Variants in ZNF177 observed in about 807,000 individuals in gnomAD.
ZNF177 encodes zinc finger protein 177.
A neutral mutation model predicts 19.4 loss-of-function variants in ZNF177; 17 were observed. The ratio of observed to expected loss-of-function variants is 0.87; its 90% CI spans 0.60 to 1.31. ZNF177 has a LOEUF of 1.31. ZNF177 is among the 40% of genes most tolerant of loss of function. The pLI, the probability that ZNF177 is intolerant of heterozygous loss-of-function variation, is 0.00. For missense variants in ZNF177, 633 were observed against 561.8 expected (o/e 1.13, Z -1.28); for synonymous variants, 220 against 188.7 (o/e 1.17, Z -1.36).
At chr19:9,378,118 C>CTG in intron 1 of ZNF177, 141 bp from the exon 4 acceptor site, 3 of 659,616 alleles carry the variant, frequency 4.5e-6, no homozygotes, top group Non-Finnish European at 7.1e-6. Context: ...TGAGGATATA[C>CTG]TGTGTTCTTG....
intron 1 of ZNF177, among the ~76,000 whole-genome samples, chr19:9,364,125 A>G (rs757061757): frequency 3.9e-5 from 6 of 151,988 alleles, no homozygotes; most frequent in Non-Finnish European, 8.8e-5. Context: ...AGAATCCCAT[A>G]CTCATCAGCA....
chr19:9,370,380 C>T (rs1340188853), intron 2 of ZNF177, among the ~76,000 whole-genome samples: 1 of 151,430 alleles, frequency 6.6e-6, no homozygotes, highest in African/African-American at 2.4e-5. Context: ...GTACCTAGTA[C>T]AATAAGTGTT....
intron 1 of ZNF177, among the ~76,000 whole-genome samples, chr19:9,363,484 T>C (rs913058851): frequency 1.3e-5 from 2 of 152,216 alleles, no homozygotes; most frequent in Non-Finnish European, 1.5e-5. Context: ...TCCCTTTTTT[T>C]CCCCTCTGTT....
intron 1 of ZNF177, 31 bp from the exon 4 acceptor site, chr19:9,378,228 A>G: frequency 4.4e-6 from 7 of 1,584,400 alleles, no homozygotes; most frequent in Non-Finnish European, 5.1e-6. Context: ...TAGCAGGCCT[A>G]GACTCTAATG....
chr19:9,368,898 C>T (rs895758282), intron 2 of ZNF177, among the ~76,000 whole-genome samples: 1 of 152,076 alleles, frequency 6.6e-6, no homozygotes, highest in African/African-American at 2.4e-5. Context: ...TCGTTATTAA[C>T]TTACAACTTA....
chr19:9,374,507 C>T (rs530986525), upstream of ZNF177, among the ~76,000 whole-genome samples: 2 of 152,224 alleles, frequency 1.3e-5, no homozygotes, highest in South Asian at 4.1e-4. Context: ...TCTTCCAATC[C>T]ATGAACACTG....
intron 3 of ZNF177, 164 bp downstream of exon 5, chr19:9,379,252 T>A: frequency 8.0e-7 from 1 of 1,246,890 alleles, no homozygotes; most frequent in Non-Finnish European, 1.1e-6. Flanking sequence ...GAAAATGCAC[T>A]GATTTCATTT....
chr19:9,363,815 C>T (rs941466058), intron 1 of ZNF177, among the ~76,000 whole-genome samples: 2 of 152,110 alleles, frequency 1.3e-5, no homozygotes, highest in Non-Finnish European at 2.9e-5. Flanking sequence ...CCTTTATAAT[C>T]CTATTACGAC....
At chr19:9,367,280 A>G (rs1045191234) in intron 2 of ZNF177, among the ~76,000 whole-genome samples, 2 of 152,082 alleles carry the variant, frequency 1.3e-5, no homozygotes, top group Admixed American at 6.6e-5. Flanking sequence ...GCACCACTGC[A>G]CTCCAGCCTG....
rs545760455 is a variant in ZNF177 at position 9,369,125 on chromosome 19, A to G, written c.-304-2485A>G. Among the ~76,000 whole-genome samples, 5 of 152,178 alleles carry G rather than the reference A, an allele frequency of 3.3e-5. No homozygotes were observed. In the South Asian group the frequency reaches 6.2e-4, roughly 19 times the overall value. ...CACTTCATGTGTGCTTCAAGAATCTATGTATACTCCATACATTCAGTAGTG... is the reference window on the plus strand; with the variant it reads ...CACTTCATGTGTGCTTCAAGAATCTGTGTATACTCCATACATTCAGTAGTG... On this transcript the variant is annotated intron_variant, in intron 2 of 8. Transcript: ENST00000343499.
upstream of ZNF177, among the ~76,000 whole-genome samples, chr19:9,373,303 A>AT (rs1300578863): frequency 6.6e-6 from 1 of 152,166 alleles, no homozygotes; most frequent in Non-Finnish European, 1.5e-5. Context: ...TTAAGACTGA[A>AT]TAACCCACTG....
chr19:9,369,213 C>A (rs1214708221), intron 2 of ZNF177, among the ~76,000 whole-genome samples: 1 of 151,930 alleles, frequency 6.6e-6, no homozygotes, highest in African/African-American at 2.4e-5. Flanking sequence ...TCCTTTTTTT[C>A]ATATGATCTT....
Position 9,380,657 on chromosome 19 carries a change from C to T in ZNF177, c.337-11C>T, listed in dbSNP as rs2068182508. ...AAAGCCTCTAGTCACCACTTACTCC[C>T]TTTTCAACAGGCAGAAAATCAACCT... On this transcript the variant is annotated splice_polypyrimidine_tract_variant and intron_variant, in intron 5 of 5. Coordinates refer to ENST00000589262, the Ensembl canonical transcript of ZNF177. 1 of 1,535,740 alleles carries T rather than the reference C, an allele frequency of 6.5e-7. No individual in the cohort carries two copies.
At chr19:9,363,417 A>T (rs1432494625) in intron 1 of ZNF177, 1 of 152,132 alleles carries the variant, frequency 6.6e-6, no homozygotes, top group Non-Finnish European at 1.5e-5. Flanking sequence ...CTTGGACCTC[A>T]CTTTCCGTTG....
chr19:9,376,490 C>G (rs567005485), intron 1 of ZNF177, 67 bp downstream of exon 3: 3 of 152,250 alleles, frequency 2.0e-5, no homozygotes, highest in African/African-American at 7.2e-5. Context: ...TTGTTGCTTT[C>G]TTCCTCCCTT....
intron 5 of ZNF177, 113 bp from the exon 8 acceptor site, chr19:9,380,555 T>C: frequency 4.6e-6 from 7 of 1,529,478 alleles, no homozygotes; most frequent in Non-Finnish European, 6.1e-6. Context: ...GGTACACATG[T>C]CAGTCATGAT....
exon 6 of ZNF177, chr19:9,381,496 T>G (rs145076784): frequency 2.5e-6 from 4 of 1,611,558 alleles, no homozygotes; most frequent in African/African-American, 2.7e-5. Flanking sequence ...ACACACACGC[T>G]CTCACACTGG....
chr19:9,365,821 G>A (rs2067971099), intron 2 of ZNF177, among the ~76,000 whole-genome samples: 1 of 151,966 alleles, frequency 6.6e-6, no homozygotes, highest in African/African-American at 2.4e-5. Flanking sequence ...GAGGTTGAGG[G>A]ATAGTAAGAG....
intron 5 of ZNF177, 39 bp downstream of exon 7, chr19:9,380,178 G>T (rs1438614472): frequency 1.3e-6 from 2 of 1,567,854 alleles, no homozygotes; most frequent in Non-Finnish European, 1.7e-6. Context: ...CTTTGTAGTA[G>T]AAGTCTGGGA....
Sources: gnomAD v4.1 joint callset for allele counts (sites outside exome capture counted in the v4.1 genomes callset) on GRCh38, gnomAD v4.1.1 for gene constraint, MANE v1.5 for transcripts, NCBI Gene and HGNC (gene_info 2026-07-23, HGNC 2026-07-21) for gene names.